EYA4: variants seen among roughly 807,000 people sequenced by gnomAD.
EYA4 encodes the protein protein phosphatase EYA4.
A neutral mutation model predicts 87.9 loss-of-function variants in EYA4; 31 were observed. The ratio of observed to expected loss-of-function variants is 0.35; its 90% CI spans 0.27 to 0.48. EYA4 has a LOEUF of 0.48. EYA4 is among the 20% of genes least tolerant of loss of function. The pLI is 0.99. For synonymous variants in EYA4, 263 were observed against 270.6 expected (o/e 0.97, Z 0.28); for missense variants, 678 against 761.4 (o/e 0.89, Z 1.29).
At chr6:133,284,268 A>G (rs1235771220) in intron 2 of EYA4, among the ~76,000 whole-genome samples, 1 of 152,194 alleles carries the variant, frequency 6.6e-6, no homozygotes, top group Non-Finnish European at 1.5e-5. Context: ...CTCCTGAGTT[A>G]AGTGATTCTC....
intron 3 of EYA4, among the ~76,000 whole-genome samples, chr6:133,411,573 A>G (rs1789240802): frequency 1.3e-5 from 2 of 151,958 alleles, no homozygotes; most frequent in Non-Finnish European, 2.9e-5. Flanking sequence ...CTATATATAT[A>G]TATATTCGGT....
In EYA4 at chr6:133,398,093, TA is replaced by T. The variant is rs1787955262; in HGVS notation, c.83+15654del. Among the ~76,000 whole-genome samples, 5 of 152,164 alleles carry T rather than the reference TA, an allele frequency of 3.3e-5. No homozygotes were observed. In the South Asian group the frequency reaches 1.0e-3, roughly 32 times the overall value. On this transcript the variant is annotated intron_variant, in intron 3 of 19. Transcript: ENST00000355286. ...GCCATTAAATGTTTTGTGCTAAATG[TA>T]AGAGATAAAACTGGAAAAAAGAAAA...
chr6:133,335,409 C>T (rs62428664), intron 2 of EYA4, among the ~76,000 whole-genome samples: 17,568 of 152,140 alleles, frequency 0.12, 1,275 homozygotes, highest in Non-Finnish European at 0.16. Flanking sequence ...ATTTGTTCAA[C>T]GGATATTTAT....
chr6:133,323,269 G>A (rs757004232), intron 2 of EYA4, among the ~76,000 whole-genome samples: 8 of 152,154 alleles, frequency 5.3e-5, no homozygotes, highest in Non-Finnish European at 8.8e-5. Context: ...TTGTTTGTTA[G>A]AGGGTTTCAA....
chr6:133,251,941 T>C (rs1416078847), intron 1 of EYA4, among the ~76,000 whole-genome samples: 1 of 152,236 alleles, frequency 6.6e-6, no homozygotes, highest in Non-Finnish European at 1.5e-5. Context: ...CTCATTAGTC[T>C]GTGTTGATAG....
chr6:133,480,378 T>A (rs544050307), intron 11 of EYA4, among the ~76,000 whole-genome samples: 2 of 152,208 alleles, frequency 1.3e-5, no homozygotes, highest in Non-Finnish European at 2.9e-5. Flanking sequence ...GGAGTATTTT[T>A]ATCGCATTTT....
intron 11 of EYA4, among the ~76,000 whole-genome samples, chr6:133,473,540 A>T (rs1464922156): frequency 1.3e-5 from 2 of 152,108 alleles, no homozygotes; most frequent in Admixed American, 1.3e-4. Context: ...GATAACATTC[A>T]TGATTTTTAG....
In EYA4 at chr6:133,352,318, T is replaced by G. The variant is rs538176577; in HGVS notation, c.34-30074T>G. ...TCACAATTCATTGGCTACCATAGAT[T>G]TGACCAGTAATATCTTGTTCAAAAG... On this transcript the variant is annotated intron_variant, in intron 2 of 19. Transcript: ENST00000355286. 3.9e-5 allele frequency among the ~76,000 whole-genome samples: 6 copies of G among 152,266 alleles called. No homozygotes were observed. The South Asian group carries it at 1.2e-3, about 32-fold the overall frequency.
At chr6:133,354,418 T>C (rs567443213) in intron 2 of EYA4, among the ~76,000 whole-genome samples, 3 of 152,144 alleles carry the variant, frequency 2.0e-5, no homozygotes, top group African/African-American at 7.2e-5. Context: ...TTAGTAATAA[T>C]AGAGGAAGAA....
At chr6:133,287,675 C>A (rs192564913) in intron 2 of EYA4, among the ~76,000 whole-genome samples, 2 of 152,202 alleles carry the variant, frequency 1.3e-5, no homozygotes, top group Admixed American at 1.3e-4. Flanking sequence ...CTAACCTGGA[C>A]ATAATGGAAA....
chr6:133,284,376 A>G (rs1777864505), intron 2 of EYA4, among the ~76,000 whole-genome samples: 1 of 152,070 alleles, frequency 6.6e-6, no homozygotes, highest in Non-Finnish European at 1.5e-5. Context: ...GTTTTGCAAC[A>G]TTGGCTAGGC....
At chr6:133,441,948 AT>A (rs1449731743) in intron 3 of EYA4, among the ~76,000 whole-genome samples, 1 of 151,890 alleles carries the variant, frequency 6.6e-6, no homozygotes, top group African/African-American at 2.4e-5. Context: ...TTTTATATAT[AT>A]GTTATATACA....
intron 5 of EYA4, among the ~76,000 whole-genome samples, chr6:133,451,631 C>T (rs1793449969): frequency 6.6e-6 from 1 of 152,106 alleles, no homozygotes; most frequent in African/African-American, 2.4e-5. Context: ...CTAAAGAACA[C>T]AATACCAGCC....
intron 2 of EYA4, among the ~76,000 whole-genome samples, chr6:133,365,400 A>C (rs1025194203): frequency 6.6e-6 from 1 of 152,216 alleles, no homozygotes; most frequent in African/African-American, 2.4e-5. Context: ...GGAGTTTATC[A>C]GTTGTACCAG....
intron 2 of EYA4, among the ~76,000 whole-genome samples, chr6:133,275,178 T>A (rs546134932): frequency 6.6e-6 from 1 of 152,320 alleles, no homozygotes; most frequent in African/African-American, 2.4e-5. Flanking sequence ...GGAGAAAGTA[T>A]ATTATTAGCA....
intron 2 of EYA4, among the ~76,000 whole-genome samples, chr6:133,313,440 G>GA (rs893882542): frequency 6.6e-6 from 1 of 152,054 alleles, no homozygotes; most frequent in Admixed American, 6.6e-5. Flanking sequence ...TTATTTTGGG[G>GA]AAAAATCATT....
chr6:133,404,065 C>T (rs1379567498), intron 3 of EYA4, among the ~76,000 whole-genome samples: 1 of 152,184 alleles, frequency 6.6e-6, no homozygotes, highest in Non-Finnish European at 1.5e-5. Context: ...CCACCCGCCT[C>T]AGCCTCCCAA....
At chr6:133,432,615 A>G (rs766592783) in intron 3 of EYA4, among the ~76,000 whole-genome samples, 6 of 151,910 alleles carry the variant, frequency 3.9e-5, no homozygotes, top group Non-Finnish European at 7.4e-5. Context: ...ATTGCTTGCT[A>G]TGGAGTGGAA....
chr6:133,328,725 G>A (rs997293627), intron 2 of EYA4, among the ~76,000 whole-genome samples: 2 of 151,636 alleles, frequency 1.3e-5, no homozygotes, highest in African/African-American at 4.8e-5. Flanking sequence ...AAAAAAACCA[G>A]ACAAATGTAT....
Sources: allele counts gnomAD v4.1 joint callset (sites outside exome capture counted in the v4.1 genomes callset), GRCh38; gene constraint gnomAD v4.1.1; transcripts MANE v1.5; gene names NCBI Gene and HGNC (gene_info 2026-07-23, HGNC 2026-07-21).